FBXO28: variants seen among roughly 807,000 people sequenced by gnomAD.
FBXO28 encodes F-box protein 28.
In FBXO28, 8 loss-of-function variants were observed where a neutral mutation model predicts 38.1. That is an observed-to-expected ratio of 0.21 (90% confidence interval 0.12 to 0.38). The LOEUF is 0.38. Among genes scored for constraint, FBXO28 ranks in the 10% least tolerant of loss-of-function variants. FBXO28 has a pLI of 1.00. For synonymous variants in FBXO28, 168 were observed against 173.8 expected (o/e 0.97, Z 0.26); for missense variants, 345 against 460.6 (o/e 0.75, Z 2.30).
Position 224,156,870 on chromosome 1 carries a change from C to T in FBXO28, c.713-482C>T, listed in dbSNP as rs1657785508. The stretch of plus-strand genomic sequence containing the variant: ...AAAAGAAATTAGCCAGGCGTGGTGG[C>T]GGGTGCCTGTAGTCCCAGCTACTTG... On this transcript the variant is annotated intron_variant, in intron 4 of 4. Coordinates refer to ENST00000366862, the MANE Select transcript of FBXO28 (RefSeq NM_015176.4). 3.3e-5 allele frequency among the ~76,000 whole-genome samples: 5 copies of T among 151,784 alleles called. No individual in the cohort carries two copies. In the South Asian group the frequency reaches 1.0e-3, roughly 32 times the overall value.
rs958741644 is a variant in FBXO28 at position 224,161,201 on chromosome 1, C to G, written c.*3455C>G. On this transcript the variant is annotated 3_prime_UTR_variant, in exon 5 of 5. Transcript: ENST00000366862. The stretch of plus-strand genomic sequence containing the variant: ...CTTAGCCATAATATTTTCTAGGATC[C>G]GGGAACTCCCTATATTGTCTATTTC... The G allele has an allele frequency of 6.6e-6, 1 of 152,048 alleles. No homozygotes were observed. The highest frequency in any genetic ancestry group is 1.5e-5 in the Non-Finnish European group (1 of 68,006). 9.4% of individuals were successfully genotyped at this position (152,048 alleles called of 1,614,324 possible). A position where few individuals can be genotyped will look rare whatever the true frequency, so the allele number is the denominator to read the frequency against.
intron 3 of FBXO28, among the ~76,000 whole-genome samples, chr1:224,152,419 C>T (rs1167204399): frequency 6.6e-6 from 1 of 152,172 alleles, no homozygotes; most frequent in African/African-American, 2.4e-5. Context: ...GGGCAATCTC[C>T]AACCCTACCC....
chr1:224,150,689 CT>C (rs1056282330), intron 3 of FBXO28, among the ~76,000 whole-genome samples: 1 of 152,134 alleles, frequency 6.6e-6, no homozygotes. Context: ...ACCTGAAAGA[CT>C]TTTCTCCCCA....
In FBXO28 at chr1:224,139,939, T is replaced by G. The variant is rs558365516; in HGVS notation, c.516+5727T>G. ...AGACCCCCGTCTCTAAAAAAAAAAT[T>G]AATTAGCTGGGTGTGGTGGCATGCA... is the stretch of plus-strand genomic sequence containing the variant. On this transcript the variant is annotated intron_variant, in intron 3 of 4. Coordinates refer to ENST00000366862, the MANE Select transcript of FBXO28 (RefSeq NM_015176.4). Among the ~76,000 whole-genome samples the G allele has an allele frequency of 7.2e-5, 11 of 151,984 alleles. No homozygotes were observed. In the South Asian group the frequency reaches 2.3e-3, roughly 32 times the overall value.
intron 3 of FBXO28, among the ~76,000 whole-genome samples, chr1:224,143,960 G>A (rs1657434095): frequency 6.7e-6 from 1 of 149,628 alleles, no homozygotes; most frequent in African/African-American, 2.5e-5. Context: ...AGCCTGGCCA[G>A]TAGAGATAGT....
At chr1:224,143,218 CAAAA>C (rs1161345004) in intron 3 of FBXO28, among the ~76,000 whole-genome samples, 1 of 63,364 alleles carries the variant, frequency 1.6e-5, no homozygotes, top group Non-Finnish European at 3.4e-5. Context: ...GACTCTGTCT[CAAAA>C]AAAAAAAAAA....
At chr1:224,151,456 C>T (rs969675336) in intron 3 of FBXO28, among the ~76,000 whole-genome samples, 41 of 152,170 alleles carry the variant, frequency 2.7e-4, no homozygotes, top group African/African-American at 9.7e-4. Context: ...TAACAATGAT[C>T]ATCATATTAT....
intron 4 of FBXO28, among the ~76,000 whole-genome samples, chr1:224,157,150 A>G (rs983783336): frequency 6.6e-6 from 1 of 152,208 alleles, no homozygotes; most frequent in South Asian, 2.1e-4. Context: ...CCACATGAGC[A>G]GGAGAATCAG....
chr1:224,147,450 T>C (rs1036197047), intron 3 of FBXO28, among the ~76,000 whole-genome samples: 12 of 151,930 alleles, frequency 7.9e-5, no homozygotes, highest in Non-Finnish European at 1.3e-4. Context: ...GAAAAACAAT[T>C]TTTAAAACCA....
intron 3 of FBXO28, among the ~76,000 whole-genome samples, chr1:224,147,826 CAAAA>C (rs3065995): frequency 0.28 from 35,729 of 128,164 alleles, 4,436 homozygotes; most frequent in East Asian, 0.47. Flanking sequence ...ATGTAATTTG[CAAAA>C]AAAAAAAAAA....
At chr1:224,155,114 A>G (rs966303267) in intron 4 of FBXO28, among the ~76,000 whole-genome samples, 2 of 152,162 alleles carry the variant, frequency 1.3e-5, no homozygotes, top group Admixed American at 6.5e-5. Context: ...CTTCAGGGAC[A>G]TATTTGGTGA....
chr1:224,157,892 C>T lies in FBXO28; in HGVS notation c.*146C>T, dbSNP rs1657808395. The T allele has an allele frequency of 7.0e-7, 1 of 1,425,016 alleles. No homozygotes were observed. The highest frequency in any genetic ancestry group is 1.4e-5 in the African/African-American group (1 of 69,636). The allele number at this position is 1,425,016 out of a possible 1,614,324, so 88.3% of individuals were successfully genotyped here. On this transcript the variant is annotated 3_prime_UTR_variant, in exon 5 of 5. Transcript: ENST00000366862. ...TAAACTTGAACTCTTATGGTTGGGA[C>T]ATTCTTTTCCTGCTTCTCCTGATTG...
chr1:224,139,752 A>G (rs7411033), intron 3 of FBXO28, among the ~76,000 whole-genome samples: 6,128 of 109,626 alleles, frequency 0.056, 429 homozygotes, highest in African/African-American at 0.16. Context: ...ATAAATACAT[A>G]CATGCATGCA....
At chr1:224,118,892 C>T (rs1656705838) in intron 1 of FBXO28, among the ~76,000 whole-genome samples, 1 of 152,124 alleles carries the variant, frequency 6.6e-6, no homozygotes, top group Admixed American at 6.5e-5. Flanking sequence ...CATTAGCTGT[C>T]AGAACAATAA....
chr1:224,146,990 G>T (rs1034144075), intron 3 of FBXO28, among the ~76,000 whole-genome samples: 1 of 151,702 alleles, frequency 6.6e-6, no homozygotes, highest in Non-Finnish European at 1.5e-5. Flanking sequence ...ACAGGCGTGA[G>T]CCACCGTGCC....
In FBXO28 at chr1:224,139,764, G is replaced by GCATGCATGCATGCATA. The variant is rs1386239166; in HGVS notation, c.516+5555_516+5556insGCATGCATGCATACAT. 3.8e-3 allele frequency among the ~76,000 whole-genome samples: 550 copies of GCATGCATGCATGCATA among 146,026 alleles called. 2 individuals are homozygous for GCATGCATGCATGCATA. Among genetic ancestry groups the GCATGCATGCATGCATA allele is most frequent in the East Asian group, 0.012 (58 of 4,814 alleles). The stretch of plus-strand genomic sequence containing the variant: ...GAAATAAATACATACATGCATGCAT[G>GCATGCATGCATGCATA]CATACATACATACATACATACATAC... On this transcript the variant is annotated intron_variant, in intron 3 of 4. Coordinates refer to ENST00000366862, the MANE Select transcript of FBXO28 (RefSeq NM_015176.4).
chr1:224,154,265 A>G (rs1258189229), intron 4 of FBXO28, among the ~76,000 whole-genome samples: 1 of 152,252 alleles, frequency 6.6e-6, no homozygotes, highest in African/African-American at 2.4e-5. Context: ...TGTGTAATTT[A>G]CTGAATTCAT....
At position 224,159,601 on chromosome 1, in the gene FBXO28, C is replaced by T. The variant is rs970214474; in HGVS notation, c.*1855C>T. 2.6e-5 allele frequency: 4 copies of T among 152,498 alleles called. No individual in the cohort carries two copies. The highest frequency in any genetic ancestry group is 9.7e-5 in the African/African-American group (4 of 41,420). The allele number at this position is 152,498 out of a possible 1,614,324, so 9.4% of individuals were successfully genotyped here. A position where few individuals can be genotyped will look rare whatever the true frequency, so the allele number is the denominator to read the frequency against. On this transcript the variant is annotated 3_prime_UTR_variant, in exon 5 of 5. Coordinates refer to ENST00000366862, the MANE Select transcript of FBXO28 (RefSeq NM_015176.4). Reference sequence around the variant, plus strand: ...CCGTCTGGAACTCGTTTTCTCAGCACTTCTCATTTTTATAATCATAGTATT... The same window carrying T: ...CCGTCTGGAACTCGTTTTCTCAGCATTTCTCATTTTTATAATCATAGTATT...
At chr1:224,127,082 G>T (rs548124240) in intron 1 of FBXO28, among the ~76,000 whole-genome samples, 1 of 151,958 alleles carries the variant, frequency 6.6e-6, no homozygotes, top group Admixed American at 6.6e-5. Flanking sequence ...TCAGGACTGG[G>T]GCACTGGTTC....
Sources: gnomAD v4.1 joint callset for allele counts (sites outside exome capture counted in the v4.1 genomes callset) on GRCh38, gnomAD v4.1.1 for gene constraint, MANE v1.5 for transcripts, NCBI Gene and HGNC (gene_info 2026-07-23, HGNC 2026-07-21) for gene names.